Variants in AGBL1 observed in about 807,000 individuals in gnomAD.
AGBL1 encodes cytosolic carboxypeptidase 4.
A neutral mutation model predicts 118.9 loss-of-function variants in AGBL1; 130 were observed. That is an observed-to-expected ratio of 1.09 (90% CI 0.95 to 1.26). The LOEUF (loss-of-function observed/expected upper bound fraction) is 1.26. Ranked by LOEUF, AGBL1 falls within the 50% of genes most tolerant of loss-of-function variation. The pLI, the probability that AGBL1 is intolerant of heterozygous loss-of-function variation, is 0.00. For synonymous variants in AGBL1, 555 were observed against 478.9 expected, an observed-to-expected ratio of 1.16 and a Z score of -2.08; for missense variants, 1,584 against 1,298.1, an observed-to-expected ratio of 1.22 and a Z score of -3.38.
rs1232522856 is a variant in AGBL1 at position 86,262,866 on chromosome 15, T to C, written c.1058T>C (p.Met353Thr). ...GAGGAACTGATGCAATATGAGGTGA[T>C]GTGTCTTGAGCTCTCCTATAGCTTT... is the stretch of plus-strand genomic sequence containing the variant. ...PEEELMQYEV[M>T]CLELSYSFEE... Residue 353 changes from methionine to threonine, a missense_variant, in exon 10 of 23, where the codon ATG becomes ACG. Transcript: ENST00000614907. The C allele has an allele frequency of 1.3e-6, 2 of 1,599,946 alleles. No individual in the cohort carries two copies. Among genetic ancestry groups the C allele is most frequent in the South Asian group, 1.1e-5 (1 of 89,394 alleles).
At chr15:86,266,586 G>A in intron 12 of AGBL1, 129 bp downstream of exon 12, 2 of 713,118 alleles carry the variant, frequency 2.8e-6, no homozygotes, top group Non-Finnish European at 2.2e-6. Flanking sequence ...CCAGGTTAAA[G>A]ATCTATAAGA....
intron 5 of AGBL1, among the ~76,000 whole-genome samples, chr15:86,216,168 C>T (rs543093440): frequency 1.3e-5 from 2 of 152,216 alleles, no homozygotes; most frequent in African/African-American, 2.4e-5. Context: ...TTTTTCTGTA[C>T]CCAAGATCAC....
intron 20 of AGBL1, 53 bp downstream of exon 20, chr15:86,546,186 C>T: frequency 6.5e-7 from 1 of 1,532,722 alleles, no homozygotes; most frequent in Non-Finnish European, 8.9e-7. Flanking sequence ...ATTCTTCATT[C>T]TTACCTTTAA....
At chr15:86,128,759 G>A (rs1455506019) in intron 1 of AGBL1, among the ~76,000 whole-genome samples, 1 of 152,068 alleles carries the variant, frequency 6.6e-6, no homozygotes, top group East Asian at 1.9e-4. Flanking sequence ...GAATTAATCT[G>A]TACTTATGTA....
chr15:86,363,460 C>G (rs1282120210), intron 17 of AGBL1, among the ~76,000 whole-genome samples: 4 of 152,036 alleles, frequency 2.6e-5, no homozygotes, highest in Non-Finnish European at 2.9e-5. Flanking sequence ...GTCCTTGTCC[C>G]CACTTGAATT....
chr15:86,587,629 G>A (rs1297383272), intron 21 of AGBL1, among the ~76,000 whole-genome samples: 1 of 152,188 alleles, frequency 6.6e-6, no homozygotes, highest in African/African-American at 2.4e-5. Flanking sequence ...TTGTCATTCA[G>A]TTTAGAGCAG....
At chr15:86,290,510 C>G (rs910683558) in intron 16 of AGBL1, among the ~76,000 whole-genome samples, 2 of 151,164 alleles carry the variant, frequency 1.3e-5, no homozygotes, top group African/African-American at 4.9e-5. Flanking sequence ...ACCACCATGC[C>G]CAGCAATTTT....
intron 18 of AGBL1, among the ~76,000 whole-genome samples, chr15:86,438,359 A>G (rs1266529144): frequency 1.3e-5 from 2 of 152,200 alleles, no homozygotes; most frequent in East Asian, 3.9e-4. Context: ...CCACAATCAC[A>G]TGCTCTGAGC....
At chr15:86,920,357 T>G (rs963144813), downstream of AGBL1, among the ~76,000 whole-genome samples, 1 of 152,196 alleles carries the variant, frequency 6.6e-6, no homozygotes, top group Admixed American at 6.5e-5. Context: ...GCTTTGAATC[T>G]CTTTTACTTC....
intron 8 of AGBL1, 68 bp downstream of exon 8, chr15:86,257,086 A>C: frequency 6.8e-7 from 1 of 1,467,958 alleles, no homozygotes; most frequent in Non-Finnish European, 9.3e-7. Flanking sequence ...TCCCAGGAAC[A>C]TGGGTGAAAA....
At chr15:86,082,339 A>T (rs1190145457) in intron 1 of AGBL1, among the ~76,000 whole-genome samples, 4 of 152,188 alleles carry the variant, frequency 2.6e-5, no homozygotes, top group African/African-American at 7.2e-5. Flanking sequence ...TACCAATTCA[A>T]ACCAGTCTGT....
chr15:86,232,424 T>G (rs1423240117), intron 6 of AGBL1, among the ~76,000 whole-genome samples: 1 of 152,206 alleles, frequency 6.6e-6, no homozygotes, highest in Non-Finnish European at 1.5e-5. Flanking sequence ...AGGAGGTTAT[T>G]TTAATGTAAT....
chr15:86,187,839 A>G (rs2077657183), intron 5 of AGBL1, among the ~76,000 whole-genome samples: 1 of 152,160 alleles, frequency 6.6e-6, no homozygotes, highest in South Asian at 2.1e-4. Context: ...TGAAGTCAAC[A>G]TCTTCCCTAA....
chr15:86,980,885 C>CTTTTTTTTTTTTTTTTTT (rs36077192), intron 23 of AGBL1, among the ~76,000 whole-genome samples: 1 of 118,986 alleles, frequency 8.4e-6, no homozygotes. Flanking sequence ...CAGAAACATC[C>CTTTTTTTTTTTTTTTTTT]TTTTTTTTTT....
At chr15:86,195,700 T>G (rs1277670423) in intron 5 of AGBL1, among the ~76,000 whole-genome samples, 1 of 152,194 alleles carries the variant, frequency 6.6e-6, no homozygotes, top group African/African-American at 2.4e-5. Flanking sequence ...TAGCATTTTT[T>G]ATTGAGGACT....
rs770556494 is a variant in AGBL1, at chr15:86,870,454, C to CAAAAAAAAAAAAAAAAAAAAAAAA, written c.3159-36614_3159-36591dup. Reference sequence around the variant, plus strand: ...GGCAAGAAAAAAGTAAAGCATACTGCAAAAAAAAAAAAAAAAAAAAAAAAA... The same window carrying CAAAAAAAAAAAAAAAAAAAAAAAA: ...GGCAAGAAAAAAGTAAAGCATACTGCAAAAAAAAAAAAAAAAAAAAAAAAAAAAAAAAAAAAAAAAAAAAAAAAA... On this transcript the variant is annotated intron_variant, in intron 22 of 22. Coordinates refer to ENST00000614907, the MANE Select transcript of AGBL1 (RefSeq NM_001386094.1). Among the ~76,000 whole-genome samples the CAAAAAAAAAAAAAAAAAAAAAAAA allele has an allele frequency of 6.6e-4, 42 of 64,112 alleles. 8 individuals are homozygous for CAAAAAAAAAAAAAAAAAAAAAAAA. Among genetic ancestry groups the CAAAAAAAAAAAAAAAAAAAAAAAA allele is most frequent in the Non-Finnish European group, 8.6e-4 (31 of 36,190 alleles). 42.1% of individuals were successfully genotyped at this position (64,112 alleles called of 152,430 possible). A position where few individuals can be genotyped will look rare whatever the true frequency, so the allele number is the denominator to read the frequency against.
rs562191032 is a variant in AGBL1 at position 86,992,223 on chromosome 15, C to T, written c.3323+4135C>T. Among the ~76,000 whole-genome samples, 29 of 152,168 alleles carry T rather than the reference C, an allele frequency of 1.9e-4. No individual in the cohort carries two copies. In the East Asian group the frequency reaches 5.1e-3, roughly 27 times the overall value. On this transcript the variant is annotated intron_variant, in intron 24 of 24. Coordinates refer to the AGBL1 transcript ENST00000441037. The stretch of plus-strand genomic sequence containing the variant: ...ATCTCATGTGCTCTCAGATTGAGAA[C>T]TCACTCATTACTGCCAGGAGGACAC...
chr15:86,572,919 A>G (rs543598325), intron 21 of AGBL1, among the ~76,000 whole-genome samples: 11 of 152,202 alleles, frequency 7.2e-5, no homozygotes, highest in Non-Finnish European at 1.6e-4. Context: ...ATTCTTCACC[A>G]TTTCTGCAAT....
At chr15:86,827,060 G>A (rs2079021153) in intron 22 of AGBL1, among the ~76,000 whole-genome samples, 1 of 151,174 alleles carries the variant, frequency 6.6e-6, no homozygotes, top group Non-Finnish European at 1.5e-5. Flanking sequence ...AGTACATGTG[G>A]TAAAGATCCC....
Sources: allele counts gnomAD v4.1 joint callset (sites outside exome capture counted in the v4.1 genomes callset), GRCh38; gene constraint gnomAD v4.1.1; transcripts MANE v1.5; gene names NCBI Gene and HGNC (gene_info 2026-07-23, HGNC 2026-07-21).